Variants in TTC28 observed in about 807,000 individuals in gnomAD.
The protein encoded by TTC28 is tetratricopeptide repeat domain 28.
In TTC28, 61 loss-of-function variants were observed where a neutral mutation model predicts 198.0. That is an observed-to-expected ratio of 0.31 (90% confidence interval 0.25 to 0.38). The LOEUF is 0.38. TTC28 is among the 10% of genes least tolerant of loss of function. The probability of loss-of-function intolerance (pLI) is 1.00; values close to 1 mark genes in which losing one functional copy is unlikely to be tolerated. For missense variants in TTC28, 2,678 were observed against 3,164.0 expected, an observed-to-expected ratio of 0.85 and a Z score of 3.69; for synonymous variants, 1,171 against 1,297.8, an observed-to-expected ratio of 0.90 and a Z score of 2.10.
intron 2 of TTC28, among the ~76,000 whole-genome samples, chr22:28,483,318 G>A (rs1311083663): frequency 6.6e-6 from 1 of 152,166 alleles, no homozygotes; most frequent in African/African-American, 2.4e-5. Context: ...AAGAAAAGCA[G>A]AGTAGGGTAC....
intron 12 of TTC28, among the ~76,000 whole-genome samples, chr22:28,038,789 C>A (rs1259645782): frequency 6.6e-6 from 1 of 152,158 alleles, no homozygotes; most frequent in Non-Finnish European, 1.5e-5. Flanking sequence ...GGGCTAATAT[C>A]CAGAATCTGC....
intron 6 of TTC28, among the ~76,000 whole-genome samples, chr22:28,141,013 C>T (rs781627113): frequency 6.6e-6 from 1 of 151,080 alleles, no homozygotes; most frequent in Non-Finnish European, 1.5e-5. Context: ...TACATTAATA[C>T]AAGCAGGTTT....
intron 1 of TTC28, among the ~76,000 whole-genome samples, chr22:28,677,884 C>A (rs2052025585): frequency 6.6e-6 from 1 of 151,714 alleles, no homozygotes; most frequent in Non-Finnish European, 1.5e-5. Flanking sequence ...GTTGCAGTGA[C>A]CTGAGATTGT....
chr22:28,163,457 T>C lies in TTC28; in HGVS notation c.1076A>G (p.Asn359Ser). Residue 359 changes from asparagine (N) to serine (S), a missense_variant, in exon 6 of 23, where the codon AAC becomes AGC. Transcript: ENST00000397906. ...DELSEARELG[N>S]MGAVYIAMGD... ...CATGGCAATATACACAGCTCCCATGTTGCCAAGTTCTCGGGCTTCAGAAAG... is the reference window on the plus strand; with the variant it reads ...CATGGCAATATACACAGCTCCCATGCTGCCAAGTTCTCGGGCTTCAGAAAG... The C allele has an allele frequency of 6.4e-7, 1 of 1,551,768 alleles. No individual in the cohort carries two copies. The highest frequency in any genetic ancestry group is 8.7e-7 in the Non-Finnish European group (1 of 1,147,010).
At chr22:28,551,427 AAAAAG>A (rs2049669541) in intron 2 of TTC28, among the ~76,000 whole-genome samples, 1 of 152,142 alleles carries the variant, frequency 6.6e-6, no homozygotes, top group South Asian at 2.1e-4. Context: ...ACACAGCAAA[AAAAAG>A]AAAACTACAG....
intron 1 of TTC28, among the ~76,000 whole-genome samples, chr22:28,632,217 G>GTA (rs1335106759): frequency 7.8e-6 from 1 of 127,748 alleles, no homozygotes; most frequent in Non-Finnish European, 1.6e-5. Flanking sequence ...AAAGGATTCT[G>GTA]TAAGTTTCAA....
intron 2 of TTC28, among the ~76,000 whole-genome samples, chr22:28,608,241 T>A (rs1191646094): frequency 6.6e-6 from 1 of 152,212 alleles, no homozygotes; most frequent in Non-Finnish European, 1.5e-5. Flanking sequence ...CCAAAATGGG[T>A]ATGAAAACCA....
intron 12 of TTC28, among the ~76,000 whole-genome samples, chr22:28,055,174 A>G (rs567703368): frequency 6.5e-4 from 99 of 152,320 alleles, no homozygotes; most frequent in African/African-American, 2.1e-3. Flanking sequence ...CACTCATCAA[A>G]TATTTGCTGA....
chr22:28,163,745 G>A lies in TTC28; in HGVS notation c.934-146C>T, dbSNP rs1601410174. The A allele has an allele frequency of 3.9e-5, 37 of 940,160 alleles. No homozygotes were observed. In the South Asian group the frequency reaches 4.8e-4, roughly 12 times the overall value. The allele number at this position is 940,160 out of a possible 1,614,324, so 58.2% of individuals were successfully genotyped here. On this transcript the variant is annotated intron_variant, in intron 5 of 22. Transcript: ENST00000397906. ...TCCCAGCGTGAGTGACGCAGAAGACGGGTGATTTCTGCATTTCCAACTGAG... is the reference window on the plus strand; with the variant it reads ...TCCCAGCGTGAGTGACGCAGAAGACAGGTGATTTCTGCATTTCCAACTGAG...
intron 2 of TTC28, among the ~76,000 whole-genome samples, chr22:28,467,097 C>G (rs2048032635): frequency 6.6e-6 from 1 of 152,180 alleles, no homozygotes; most frequent in Non-Finnish European, 1.5e-5. Context: ...AAAATGTAAT[C>G]AAATTCTAAA....
intron 2 of TTC28, among the ~76,000 whole-genome samples, chr22:28,441,678 C>G (rs540432811): frequency 6.6e-6 from 1 of 152,224 alleles, no homozygotes; most frequent in Non-Finnish European, 1.5e-5. Flanking sequence ...GCACCTCACA[C>G]ATGATTTCTA....
At chr22:28,519,976 G>A (rs1273820252) in intron 2 of TTC28, among the ~76,000 whole-genome samples, 1 of 152,038 alleles carries the variant, frequency 6.6e-6, no homozygotes, top group African/African-American at 2.4e-5. Flanking sequence ...TAAAGAGAAA[G>A]AGAGAGAGTC....
At chr22:28,291,946 G>C (rs1280577517) in intron 5 of TTC28, among the ~76,000 whole-genome samples, 1 of 151,746 alleles carries the variant, frequency 6.6e-6, no homozygotes, top group Non-Finnish European at 1.5e-5. Context: ...TTTCCATTTT[G>C]GTTTCAATAA....
At chr22:28,172,523 T>C (rs1342585171) in intron 5 of TTC28, among the ~76,000 whole-genome samples, 1 of 152,210 alleles carries the variant, frequency 6.6e-6, no homozygotes, top group African/African-American at 2.4e-5. Flanking sequence ...CATCTTCTGC[T>C]TCTGGTTCTT....
At chr22:28,520,628 T>C (rs1328659971) in intron 2 of TTC28, among the ~76,000 whole-genome samples, 1 of 152,162 alleles carries the variant, frequency 6.6e-6, no homozygotes, top group African/African-American at 2.4e-5. Flanking sequence ...CATGGTGGCA[T>C]GTGCCTGTGG....
At chr22:28,432,707 T>C (rs1409568619) in intron 2 of TTC28, among the ~76,000 whole-genome samples, 2 of 152,254 alleles carry the variant, frequency 1.3e-5, no homozygotes, top group Non-Finnish European at 2.9e-5. Flanking sequence ...ATTTTGTATT[T>C]GTGTAAACTG....
At chr22:28,672,514 C>T (rs896940941) in intron 1 of TTC28, among the ~76,000 whole-genome samples, 1 of 152,078 alleles carries the variant, frequency 6.6e-6, no homozygotes, top group Non-Finnish European at 1.5e-5. Context: ...GTTGGTCAGG[C>T]TGGTCTCAAT....
chr22:28,186,481 C>T (rs1924218096), intron 5 of TTC28, among the ~76,000 whole-genome samples: 1 of 152,100 alleles, frequency 6.6e-6, no homozygotes, highest in Admixed American at 6.6e-5. Flanking sequence ...AAGTTTATTC[C>T]ATTCAGGGAT....
chr22:28,435,136 G>A (rs1239944152), intron 2 of TTC28, among the ~76,000 whole-genome samples: 1 of 152,178 alleles, frequency 6.6e-6, no homozygotes, highest in East Asian at 1.9e-4. Context: ...CTCTAAAAAT[G>A]CTGCTTAGTA....
Sources: allele counts gnomAD v4.1 joint callset (sites outside exome capture counted in the v4.1 genomes callset), GRCh38; gene constraint gnomAD v4.1.1; transcripts MANE v1.5; gene names NCBI Gene and HGNC (gene_info 2026-07-23, HGNC 2026-07-21).